ZNF461: variants seen among roughly 807,000 people sequenced by gnomAD.
ZNF461 encodes the protein gonadotropin-inducible ovarian transcription factor-1.
In ZNF461, 16 loss-of-function variants were observed where a neutral mutation model predicts 18.3. The ratio of observed to expected loss-of-function variants is 0.88; its 90% confidence interval spans 0.59 to 1.33. The LOEUF is 1.33. Among genes scored for constraint, ZNF461 ranks in the 40% most tolerant of loss-of-function variants. ZNF461 has a pLI of 0.00. For synonymous variants in ZNF461, 179 were observed against 216.9 expected (o/e 0.83, Z 1.54); for missense variants, 595 against 669.9 (o/e 0.89, Z 1.23).
intron 4 of ZNF461, among the ~76,000 whole-genome samples, chr19:36,648,007 C>T (rs1214430913): frequency 1.3e-5 from 2 of 151,976 alleles, no homozygotes; most frequent in Non-Finnish European, 2.9e-5. Context: ...CATGGTGAAA[C>T]TGTGTCTCTA....
At chr19:36,658,529 C>T (rs1437650716) in intron 2 of ZNF461, 104 bp from the exon 3 acceptor site, 2 of 1,178,296 alleles carry the variant, frequency 1.7e-6, no homozygotes, top group Non-Finnish European at 1.2e-6. Context: ...AGACAGTCTA[C>T]TGAATATATA....
chr19:36,666,726 T>G lies in ZNF461; in HGVS notation c.-117A>C, dbSNP rs1357471986. The stretch of plus-strand genomic sequence containing the variant: ...TCAGGGAAGGCTCTGGTCCAAGCTC[T>G]GATTCGGATTCCAAGCGAAGCCACA... On this transcript the variant is annotated 5_prime_UTR_variant, in exon 1 of 6. Coordinates refer to ENST00000588268, the MANE Select transcript of ZNF461 (RefSeq NM_153257.5). 1 of 152,534 alleles carries G rather than the reference T, an allele frequency of 6.6e-6. No individual in the cohort carries two copies. Among genetic ancestry groups the G allele is most frequent in the African/African-American group, 2.4e-5 (1 of 41,460 alleles). The allele number at this position is 152,534 out of a possible 1,614,324, so 9.4% of individuals were successfully genotyped here. A position where few individuals can be genotyped will look rare whatever the true frequency, so the allele number is the denominator to read the frequency against.
chr19:36,654,466 A>G (rs1037840034), intron 4 of ZNF461, among the ~76,000 whole-genome samples: 1 of 152,124 alleles, frequency 6.6e-6, no homozygotes, highest in African/African-American at 2.4e-5. Context: ...TCCCAGGCTC[A>G]AGCAATACTC....
intron 2 of ZNF461, among the ~76,000 whole-genome samples, chr19:36,659,491 T>G (rs1045946065): frequency 6.6e-6 from 1 of 152,230 alleles, no homozygotes; most frequent in Non-Finnish European, 1.5e-5. Context: ...TTGGCTGGTC[T>G]TGAGCTCCTG....
intron 2 of ZNF461, among the ~76,000 whole-genome samples, chr19:36,659,479 C>T (rs1217439143): frequency 6.6e-6 from 1 of 152,168 alleles, no homozygotes; most frequent in Non-Finnish European, 1.5e-5. Flanking sequence ...CACTATATTT[C>T]CTTGGCTGGT....
chr19:36,646,808 C>T (rs556733062), intron 4 of ZNF461, among the ~76,000 whole-genome samples: 2 of 100,334 alleles, frequency 2.0e-5, no homozygotes, highest in South Asian at 2.9e-4. Context: ...TAACTATTTT[C>T]GTTTTGTTTT....
In ZNF461 at chr19:36,664,754, C is replaced by T; in HGVS notation, c.-48G>A. The T allele has an allele frequency of 7.1e-7, 1 of 1,409,226 alleles. No individual in the cohort carries two copies. The highest frequency in any genetic ancestry group is 9.4e-7 in the Non-Finnish European group (1 of 1,069,038). 87.3% of individuals were successfully genotyped at this position (1,409,226 alleles called of 1,614,324 possible). On this transcript the variant is annotated 5_prime_UTR_variant, in exon 2 of 6. Coordinates refer to ENST00000588268, the MANE Select transcript of ZNF461 (RefSeq NM_153257.5). ...ATTATTTAATCCTCTTCTTCGTTCC[C>T]TCTGGAAGAAACTCAATCCAAAGAA...
Position 36,666,160 on chromosome 19 carries a change from TCTCGGCTCACAGCAACCTCCGC to T in ZNF461, c.-81+508_-81+529del, listed in dbSNP as rs947191486. 4.0e-5 allele frequency among the ~76,000 whole-genome samples: 6 copies of T among 151,640 alleles called. No individual in the cohort carries two copies. In the East Asian group the frequency reaches 9.7e-4, roughly 25 times the overall value. ...CCCAGGTTGGAGTGCAATGGCGCGA[TCTCGGCTCACAGCAACCTCCGC>T]CTCCCGGGTTCAAGCGATTCTCCTG... On this transcript the variant is annotated intron_variant, in intron 1 of 5. Coordinates refer to ENST00000588268, the MANE Select transcript of ZNF461 (RefSeq NM_153257.5).
chr19:36,641,291 G>A (rs956036208), intron 5 of ZNF461, among the ~76,000 whole-genome samples: 3 of 152,060 alleles, frequency 2.0e-5, no homozygotes, highest in Admixed American at 6.6e-5. Flanking sequence ...AGACCTAGGC[G>A]GGTAGATCAC....
intron 4 of ZNF461, 73 bp from the exon 5 acceptor site, chr19:36,643,935 A>G (rs529659083): frequency 8.2e-7 from 1 of 1,225,796 alleles, no homozygotes; most frequent in Non-Finnish European, 1.1e-6. Context: ...GAGAATATCT[A>G]TTTCTTTTTC....
intron 4 of ZNF461, among the ~76,000 whole-genome samples, chr19:36,651,104 G>A (rs901324662): frequency 2.0e-5 from 3 of 151,762 alleles, no homozygotes; most frequent in East Asian, 3.9e-4. Context: ...GGTGGCAGAC[G>A]CCTGTAGTGC....
intron 2 of ZNF461, 107 bp from the exon 3 acceptor site, chr19:36,658,532 A>T (rs1194258841): frequency 8.8e-7 from 1 of 1,142,112 alleles, no homozygotes; most frequent in Non-Finnish European, 1.2e-6. Flanking sequence ...CAGTCTACTG[A>T]ATATATAGGC....
At chr19:36,654,534 A>T (rs560804036) in intron 4 of ZNF461, among the ~76,000 whole-genome samples, 43 of 148,142 alleles carry the variant, frequency 2.9e-4, no homozygotes, top group Non-Finnish European at 5.5e-4. Context: ...TGCTAGGCTA[A>T]TTTTTTTTTT....
intron 4 of ZNF461, among the ~76,000 whole-genome samples, chr19:36,652,309 T>C (rs1971955921): frequency 1.3e-5 from 2 of 149,668 alleles, no homozygotes; most frequent in South Asian, 4.2e-4. Flanking sequence ...CTGGCCAACA[T>C]GGTGAAACCC....
intron 1 of ZNF461, among the ~76,000 whole-genome samples, chr19:36,666,112 A>G (rs1172543788): frequency 2.1e-5 from 3 of 145,562 alleles, no homozygotes; most frequent in Admixed American, 2.0e-4. Flanking sequence ...TTTTTTTGAG[A>G]CAGTTTCGTT....
chr19:36,638,198 G>A lies in ZNF461; in HGVS notation c.*455C>T, dbSNP rs1435473640. The A allele has an allele frequency of 5.8e-6, 1 of 173,318 alleles. No homozygotes were observed. Among genetic ancestry groups the A allele is most frequent in the African/African-American group, 2.4e-5 (1 of 41,558 alleles). The allele number at this position is 173,318 out of a possible 1,614,324, so 10.7% of individuals were successfully genotyped here. A position where few individuals can be genotyped will look rare whatever the true frequency, so the allele number is the denominator to read the frequency against. ...CGTACTGACCTGGAAAAGTATTCAT[G>A]ATTATTATGAAAAGGACAAGACGCT... On this transcript the variant is annotated 3_prime_UTR_variant, in exon 6 of 6. Transcript: ENST00000588268.
At position 36,636,633 on chromosome 19, in the gene ZNF461, G is replaced by A. The variant is rs2037296941; in HGVS notation, c.*2020C>T. 6.6e-6 allele frequency among the ~76,000 whole-genome samples: 1 copy of A among 152,186 alleles called. No individual in the cohort carries two copies. The highest frequency in any genetic ancestry group is 2.4e-5 in the African/African-American group (1 of 41,452). ...AAGAGACAGGTTAAGAGTTCATAAA[G>A]GTGGGAGCCAAGGGGCCAGAGCAAA... On this transcript the variant is annotated 3_prime_UTR_variant, in exon 6 of 6. Coordinates refer to ENST00000588268, the MANE Select transcript of ZNF461 (RefSeq NM_153257.5).
Position 36,637,286 on chromosome 19 carries a change from T to A in ZNF461, c.*1367A>T, listed in dbSNP as rs2037312014. On this transcript the variant is annotated 3_prime_UTR_variant, in exon 6 of 6. Coordinates refer to ENST00000588268, the MANE Select transcript of ZNF461 (RefSeq NM_153257.5). ...ATCTCAGCTTACTGCAAGATCCATCTCCCAGGTTCACGCCATTCTTCTGCC... is the reference window on the plus strand; with the variant it reads ...ATCTCAGCTTACTGCAAGATCCATCACCCAGGTTCACGCCATTCTTCTGCC... 6.6e-6 allele frequency: 1 copy of A among 151,876 alleles called. No homozygotes were observed. Among genetic ancestry groups the A allele is most frequent in the Admixed American group, 6.6e-5 (1 of 15,220 alleles). The allele number at this position is 151,876 out of a possible 1,614,324, so 9.4% of individuals were successfully genotyped here. A position where few individuals can be genotyped will look rare whatever the true frequency, so the allele number is the denominator to read the frequency against.
intron 4 of ZNF461, among the ~76,000 whole-genome samples, chr19:36,653,814 A>G (rs771324529): frequency 2.1e-4 from 32 of 152,312 alleles, no homozygotes; most frequent in Non-Finnish European, 4.3e-4. Flanking sequence ...ACAATATCAC[A>G]AGGGTTAGGA....
Sources: allele counts gnomAD v4.1 joint callset (sites outside exome capture counted in the v4.1 genomes callset), GRCh38; gene constraint gnomAD v4.1.1; transcripts MANE v1.5; gene names NCBI Gene and HGNC (gene_info 2026-07-23, HGNC 2026-07-21).